Variants in DNAH7 observed in about 807,000 individuals in gnomAD.
DNAH7 encodes axonemal beta dynein heavy chain 7.
DNAH7 carries 397 observed loss-of-function variants against 444.6 expected under a neutral mutation model. The observed-to-expected ratio is 0.89, with a 90% CI of 0.82 to 0.97. The LOEUF (loss-of-function observed/expected upper bound fraction) is 0.97. Among genes scored for constraint, DNAH7 ranks in the 50% least tolerant of loss-of-function variants. DNAH7 has a pLI of 0.00. For synonymous variants in DNAH7, 1,636 were observed against 1,624.4 expected (o/e 1.01, Z -0.17); for missense variants, 4,902 against 4,800.8 (o/e 1.02, Z -0.62).
rs79596242 is a variant in DNAH7 at position 195,820,034 on chromosome 2, T to G, written c.9292-2205A>C. Among the ~76,000 whole-genome samples the G allele has an allele frequency of 5.5e-4, 84 of 152,250 alleles. 1 individual carries two copies. The East Asian group carries it at 0.014, about 25-fold the overall frequency. On this transcript the variant is annotated intron_variant, in intron 49 of 64. Coordinates refer to ENST00000312428, the MANE Select transcript of DNAH7 (RefSeq NM_018897.3). ...AAAGCAGCAGAGAAAGCAAAGCACG[T>G]TTAGAGGAATCTATTCTACCACTGG...
chr2:195,922,056 T>C, intron 24 of DNAH7, 32 bp downstream of exon 24: 1 of 1,308,468 alleles, frequency 7.6e-7, no homozygotes, highest in Admixed American at 1.7e-5. Flanking sequence ...GTGAAAGTTA[T>C]TTCCAATAGA....
chr2:195,888,853 T>C lies in DNAH7; in HGVS notation c.5175A>G (p.Pro1725=), dbSNP rs773051160. 1 of 1,613,962 alleles carries C rather than the reference T, an allele frequency of 6.2e-7. No individual in the cohort carries two copies. Residue 1725 remains proline (P), a synonymous_variant, in exon 32 of 65, where the codon CCA becomes CCG. Coordinates refer to ENST00000312428, the MANE Select transcript of DNAH7 (RefSeq NM_018897.3). The part of the protein sequence containing the change: ...LMSGEIIQMS[P]QMNLIFEPMD... ...TTGGCTCAAAAATTAGATTCATTTG[T>C]GGTGACATCTGAATAATCTCCCCAC...
intron 25 of DNAH7, among the ~76,000 whole-genome samples, chr2:195,909,007 T>C (rs1161235064): frequency 6.6e-6 from 1 of 152,106 alleles, no homozygotes; most frequent in African/African-American, 2.4e-5. Context: ...AACGTAAACA[T>C]TCTAGAATTT....
At chr2:195,958,469 A>G (rs1443465116) in intron 18 of DNAH7, among the ~76,000 whole-genome samples, 4 of 152,206 alleles carry the variant, frequency 2.6e-5, no homozygotes, top group Non-Finnish European at 5.9e-5. Flanking sequence ...TTGAGGAGTC[A>G]AAAGTTATAT....
intron 46 of DNAH7, among the ~76,000 whole-genome samples, chr2:195,850,199 G>A (rs902865134): frequency 4.0e-5 from 6 of 151,288 alleles, no homozygotes; most frequent in Non-Finnish European, 7.4e-5. Flanking sequence ...GGAGGACTCC[G>A]AACAAGCATC....
chr2:195,808,629 C>T (rs1696815220), intron 53 of DNAH7, 53 bp downstream of exon 53: 2 of 1,579,772 alleles, frequency 1.3e-6, no homozygotes, highest in African/African-American at 1.4e-5. Context: ...AGATACTTAA[C>T]ATTCTTTTCT....
At chr2:195,741,530 C>G (rs1400974682) in intron 63 of DNAH7, among the ~76,000 whole-genome samples, 1 of 152,180 alleles carries the variant, frequency 6.6e-6, no homozygotes. Flanking sequence ...GCAGGTAAAA[C>G]TGATTGTAAC....
At chr2:195,809,712 G>A (rs1386969361) in intron 52 of DNAH7, 33 bp downstream of exon 52, 1 of 1,486,556 alleles carries the variant, frequency 6.7e-7, no homozygotes, top group Admixed American at 2.4e-5. Flanking sequence ...CGTTATTAAG[G>A]GTTTTTTTCT....
intron 59 of DNAH7, 63 bp from the exon 60 acceptor site, chr2:195,776,046 C>G (rs1695043124): frequency 6.3e-7 from 1 of 1,584,732 alleles, no homozygotes. Context: ...GAACTTTTCA[C>G]AGAAAAGAGG....
chr2:196,026,957 G>A lies in DNAH7; in HGVS notation c.487-17C>T, dbSNP rs758665075. The A allele has an allele frequency of 3.9e-6, 6 of 1,539,848 alleles. No homozygotes were observed. The highest frequency in any genetic ancestry group is 2.5e-5 in the South Asian group (2 of 79,528). On this transcript the variant is annotated splice_polypyrimidine_tract_variant and intron_variant, in intron 6 of 64. Transcript: ENST00000312428. ...GTAATATCTCTACAAAAAGAAGATA[G>A]GAAAAATGTAGATGTTTAACAAAAG... is the stretch of plus-strand genomic sequence containing the variant.
intron 14 of DNAH7, among the ~76,000 whole-genome samples, chr2:195,986,410 T>C (rs1300158291): frequency 6.6e-6 from 1 of 152,338 alleles, no homozygotes; most frequent in Non-Finnish European, 1.5e-5. Flanking sequence ...TTTTTTTCTC[T>C]GATACCATAA....
intron 2 of DNAH7, among the ~76,000 whole-genome samples, chr2:196,054,923 T>C (rs901307592): frequency 2.6e-5 from 4 of 152,200 alleles, no homozygotes; most frequent in African/African-American, 9.6e-5. Context: ...TCCCCAGCCA[T>C]GTGGAACTGT....
At chr2:195,938,099 T>C (rs1279497972) in intron 19 of DNAH7, among the ~76,000 whole-genome samples, 4 of 152,170 alleles carry the variant, frequency 2.6e-5, no homozygotes, top group Non-Finnish European at 4.4e-5. Context: ...CTCTAAAGTA[T>C]GTTTTTGTGA....
At chr2:196,018,935 A>G (rs902074002) in intron 9 of DNAH7, among the ~76,000 whole-genome samples, 1 of 152,132 alleles carries the variant, frequency 6.6e-6, no homozygotes, top group African/African-American at 2.4e-5. Context: ...GTACCCCATA[A>G]ATATATGCAT....
chr2:195,884,519 A>G (rs1701594768), intron 35 of DNAH7, 66 bp downstream of exon 35: 1 of 1,177,900 alleles, frequency 8.5e-7, no homozygotes, highest in Non-Finnish European at 1.3e-6. Flanking sequence ...GGGCCATTAT[A>G]TGCTATGTGT....
intron 21 of DNAH7, among the ~76,000 whole-genome samples, chr2:195,933,596 G>C (rs1559240307): frequency 6.6e-6 from 1 of 152,100 alleles, no homozygotes; most frequent in African/African-American, 2.4e-5. Context: ...CATGTCCTTT[G>C]TAGGGACATG....
At chr2:195,798,613 G>A (rs958244907) in intron 55 of DNAH7, among the ~76,000 whole-genome samples, 2 of 144,234 alleles carry the variant, frequency 1.4e-5, no homozygotes, top group African/African-American at 2.6e-5. Context: ...GCGTGATCTC[G>A]GCTCACTGCA....
rs780230822 is a variant in DNAH7, at chr2:195,858,612, T to C, written c.7929A>G (p.Ile2643Met). Residue 2643 changes from isoleucine to methionine, a missense_variant, in exon 43 of 65, where the codon ATA becomes ATG. Physicochemically the swap from Ile to Met is conservative, Grantham distance 10. Coordinates refer to ENST00000312428, the MANE Select transcript of DNAH7 (RefSeq NM_018897.3). ...ESVEVAKTEK[I>M]VKADETIANE... ...TCGCTATTGTTTCATCAGCTTTCAC[T>C]ATTTTTTCAGTTTTGGCAACTTCTA... 8.1e-6 allele frequency: 13 copies of C among 1,614,044 alleles called. No homozygotes were observed. In the East Asian group the frequency reaches 2.7e-4, roughly 33 times the overall value.
intron 44 of DNAH7, among the ~76,000 whole-genome samples, 167 bp downstream of exon 44, chr2:195,857,210 A>G (rs1333495715): frequency 2.0e-5 from 3 of 152,214 alleles, no homozygotes; most frequent in Non-Finnish European, 4.4e-5. Context: ...GTATTATACT[A>G]TTAGTTGGCA....
Sources: gnomAD v4.1 joint callset for allele counts (sites outside exome capture counted in the v4.1 genomes callset) on GRCh38, gnomAD v4.1.1 for gene constraint, MANE v1.5 for transcripts, NCBI Gene and HGNC (gene_info 2026-07-23, HGNC 2026-07-21) for gene names.